FER1L5: variants seen among roughly 807,000 people sequenced by gnomAD.
FER1L5 encodes fer-1 like family member 5.
FER1L5 carries 187 observed loss-of-function variants against 279.9 expected under a neutral mutation model. That is an observed-to-expected ratio of 0.67 (90% CI 0.59 to 0.75). The LOEUF (loss-of-function observed/expected upper bound fraction) is 0.75. Ranked by LOEUF, FER1L5 falls within the 30% of genes least tolerant of loss-of-function variation. FER1L5 has a pLI of 0.00. For synonymous variants in FER1L5, 921 were observed against 989.7 expected (o/e 0.93, Z 1.30); for missense variants, 2,091 against 2,594.4 (o/e 0.81, Z 4.21).
intron 9 of FER1L5, among the ~76,000 whole-genome samples, chr2:96,656,365 G>A (rs959510511): frequency 1.3e-5 from 2 of 152,186 alleles, no homozygotes; most frequent in Non-Finnish European, 2.9e-5. Context: ...GGCTGGGAAC[G>A]GTGGCTCACG....
intron 6 of FER1L5, among the ~76,000 whole-genome samples, chr2:96,651,558 G>A (rs1375327839): frequency 1.4e-5 from 2 of 147,456 alleles, no homozygotes; most frequent in African/African-American, 2.5e-5. Flanking sequence ...CTGGAGTGCA[G>A]TGGCACGATC....
In FER1L5 at chr2:96,698,782, G is replaced by T; in HGVS notation, c.4468G>T (p.Val1490Leu). Residue 1490 changes from valine (V) to leucine (L), a missense_variant, in exon 41 of 53, where the codon GTG becomes TTG. Val to Leu is a conservative substitution (Grantham distance 32). Transcript: ENST00000624922. The surrounding 1 kb of genome is among the most constrained non-coding windows in gnomAD (Gnocchi z 5.5). ...EDFPQPCLVR[V>L]YMVRAINLQP... Reference sequence around the variant, plus strand: ...CTTCCCCCAGCCGTGCTTGGTGCGGGTGTACATGGTACGAGCCATCAACCT... The same window carrying T: ...CTTCCCCCAGCCGTGCTTGGTGCGGTTGTACATGGTACGAGCCATCAACCT... 1 of 1,566,728 alleles carries T rather than the reference G, an allele frequency of 6.4e-7. No homozygotes were observed. Among genetic ancestry groups the T allele is most frequent in the Non-Finnish European group, 8.7e-7 (1 of 1,156,044 alleles).
chr2:96,684,935 G>C (rs1205411082), intron 20 of FER1L5, among the ~76,000 whole-genome samples: 1 of 152,112 alleles, frequency 6.6e-6, no homozygotes, highest in Non-Finnish European at 1.5e-5. Flanking sequence ...GAGGCATGGA[G>C]GTGACATGAA....
intron 44 of FER1L5, 53 bp from the exon 45 acceptor site, chr2:96,700,279 A>T (rs1246662943): frequency 3.4e-5 from 54 of 1,604,942 alleles, no homozygotes; most frequent in Non-Finnish European, 4.5e-5. Context: ...TACCTAGGAG[A>T]TAGGAAGGCT....
chr2:96,687,574 C>A (rs2076976934), intron 23 of FER1L5: 1 of 548,720 alleles, frequency 1.8e-6, no homozygotes, highest in African/African-American at 1.9e-5. Context: ...AACATCCCTG[C>A]TACTCCCTCT....
rs73960674 is a variant in FER1L5, at chr2:96,692,186, G to A, written c.3292+5G>A. On this transcript the variant is annotated splice_donor_5th_base_variant and intron_variant, in intron 31 of 52. Transcript: ENST00000624922. ...ATCAGATCCTGACATTCCAAGGTAG[G>A]TGGCAGGCAGCCTTGTCCCCAGCTG... The A allele has an allele frequency of 3.7e-3, 5,751 of 1,551,654 alleles. 41 individuals carry two copies. The highest frequency in any genetic ancestry group is 0.014 in the African/African-American group (1,041 of 73,138).
chr2:96,682,413 T>G (rs1280347717), intron 19 of FER1L5, among the ~76,000 whole-genome samples: 2 of 152,316 alleles, frequency 1.3e-5, no homozygotes, highest in Non-Finnish European at 2.9e-5. Flanking sequence ...TGAGAGATAT[T>G]TTGGCTGTTT....
At position 96,661,726 on chromosome 2, in the gene FER1L5, C is replaced by T. The variant is rs768814730; in HGVS notation, c.953C>T (p.Ala318Val). ...DDTDIQIFKS[A>V]VVPINMAYLQ... ...ACCGATATTCAGATCTTCAAGTCAG[C>T]GGTAGTCCCGATCAACATGGCTTAC... is the stretch of plus-strand genomic sequence containing the variant. The change falls in exon 12 of 53, where the codon GCG becomes GTG. Residue 318 changes from alanine to valine, a missense_variant. Coordinates refer to ENST00000624922, the MANE Select transcript of FER1L5 (RefSeq NM_001293083.2). 3.2e-6 allele frequency: 5 copies of T among 1,551,584 alleles called. No homozygotes were observed. Among genetic ancestry groups the T allele is most frequent in the Non-Finnish European group, 4.4e-6 (5 of 1,147,000 alleles).
intron 31 of FER1L5, 43 bp from the exon 32 acceptor site, chr2:96,693,463 T>C (rs955947056): frequency 6.6e-7 from 1 of 1,509,438 alleles, no homozygotes; most frequent in Middle Eastern, 1.9e-4. Context: ...AAAGCCCCTC[T>C]TCCCAGCTCA....
At chr2:96,699,191 G>T in intron 42 of FER1L5, 55 bp downstream of exon 42, 1 of 1,533,382 alleles carries the variant, frequency 6.5e-7, no homozygotes. Context: ...CACCACACTG[G>T]AAGTCGGCCG....
chr2:96,671,106 C>CAAAAAAAAAA (rs750341048), intron 18 of FER1L5, among the ~76,000 whole-genome samples: 8,003 of 39,984 alleles, frequency 0.2, 2,060 homozygotes, highest in South Asian at 0.5. Context: ...GACTCCATCT[C>CAAAAAAAAAA]AAAAAAAAAA....
chr2:96,656,088 C>T (rs940172495), intron 9 of FER1L5, among the ~76,000 whole-genome samples: 1 of 152,104 alleles, frequency 6.6e-6, no homozygotes, highest in Non-Finnish European at 1.5e-5. Context: ...CATCAATTCA[C>T]AGTCAATTGT....
At chr2:96,686,462 A>G in intron 23 of FER1L5, 112 bp downstream of exon 23, 4 of 1,226,954 alleles carry the variant, frequency 3.3e-6, no homozygotes, top group Non-Finnish European at 4.4e-6. Flanking sequence ...TCCCTTAACC[A>G]CATGGAATGG....
rs764099832 is a variant in FER1L5, at chr2:96,699,503, A to G, written c.4611-47A>G. On this transcript the variant is annotated intron_variant, in intron 42 of 52. Transcript: ENST00000624922. The stretch of plus-strand genomic sequence containing the variant: ...AGACACCGGTGAGGGAGGGGGGCAC[A>G]GAGACATTGCCCACATCCTCTGCAG... 5 of 1,572,292 alleles carry G rather than the reference A, an allele frequency of 3.2e-6. No homozygotes were observed. The South Asian group carries it at 4.6e-5, about 14-fold the overall frequency.
intron 51 of FER1L5, among the ~76,000 whole-genome samples, 177 bp downstream of exon 51, chr2:96,703,809 CT>C (rs35497973): frequency 0.3 from 26,784 of 89,340 alleles, 2,360 homozygotes; most frequent in Non-Finnish European, 0.33. Context: ...CAAAAGTTGC[CT>C]TTTTTTTTTT....
intron 18 of FER1L5, among the ~76,000 whole-genome samples, chr2:96,672,808 A>T (rs2076376632): frequency 6.6e-6 from 1 of 152,090 alleles, no homozygotes; most frequent in South Asian, 2.1e-4. Context: ...AGCCTACCCT[A>T]ACAAGGGAGG....
intron 37 of FER1L5, 128 bp from the exon 38 acceptor site, chr2:96,697,398 A>C: frequency 1.0e-6 from 1 of 961,582 alleles, no homozygotes; most frequent in Non-Finnish European, 1.6e-6. Flanking sequence ...CCCCTGAATT[A>C]AAAGGTCTAT....
At chr2:96,650,159 C>A in intron 5 of FER1L5, 21 bp from the exon 6 acceptor site, 2 of 1,545,540 alleles carry the variant, frequency 1.3e-6, no homozygotes, top group Non-Finnish European at 1.8e-6. Context: ...TCTGACCCCA[C>A]CCTGCACTGT....
Position 96,689,411 on chromosome 2 carries a change from A to T in FER1L5, c.2525+35A>T. On this transcript the variant is annotated intron_variant, in intron 25 of 52. Coordinates refer to ENST00000624922, the MANE Select transcript of FER1L5 (RefSeq NM_001293083.2). The surrounding 1 kb of genome is among the most constrained non-coding windows in gnomAD (Gnocchi z 4.6). ...GAGGGGGCAGGCCCCACCAGAGGGGACACTTCACCTGGGAGGGCCAGTCCG... is the reference window on the plus strand; with the variant it reads ...GAGGGGGCAGGCCCCACCAGAGGGGTCACTTCACCTGGGAGGGCCAGTCCG... The T allele has an allele frequency of 6.5e-7, 1 of 1,540,904 alleles. No homozygotes were observed. The highest frequency in any genetic ancestry group is 8.7e-7 in the Non-Finnish European group (1 of 1,144,464).
Sources: allele counts gnomAD v4.1 joint callset (sites outside exome capture counted in the v4.1 genomes callset), GRCh38; gene constraint gnomAD v4.1.1; non-coding constraint Gnocchi (gnomAD v3.1); transcripts MANE v1.5; gene names NCBI Gene and HGNC (gene_info 2026-07-23, HGNC 2026-07-21).